Variants in PTPRT observed in about 807,000 individuals in gnomAD.
PTPRT encodes protein tyrosine phosphatase receptor type T, also known as receptor-type tyrosine-protein phosphatase T.
PTPRT carries 56 observed loss-of-function variants against 176.8 expected under a neutral mutation model. That is an observed-to-expected ratio of 0.32 (90% CI 0.26 to 0.40). The LOEUF is 0.40. PTPRT is among the 10% of genes least tolerant of loss of function. The pLI, the probability that PTPRT is intolerant of heterozygous loss-of-function variation, is 1.00. For missense variants in PTPRT, 1,540 were observed against 1,908.2 expected, an observed-to-expected ratio of 0.81 and a Z score of 3.60; for synonymous variants, 783 against 739.0, an observed-to-expected ratio of 1.06 and a Z score of -0.96.
At chr20:42,505,991 G>A (rs149169913) in intron 7 of PTPRT, among the ~76,000 whole-genome samples, 15 of 152,180 alleles carry the variant, frequency 9.9e-5, no homozygotes, top group African/African-American at 2.9e-4. Flanking sequence ...TTCCTCCCGC[G>A]TTGTATGACT....
rs1389142091 is a variant in PTPRT at position 42,573,909 on chromosome 20, C to T, written c.1154-101347G>A. Among the ~76,000 whole-genome samples, 6 of 151,978 alleles carry T rather than the reference C, an allele frequency of 3.9e-5. 1 individual carries two copies. Among genetic ancestry groups the T allele is most frequent in the Admixed American group, 1.3e-4 (2 of 15,258 alleles). On this transcript the variant is annotated intron_variant, in intron 7 of 30. Coordinates refer to ENST00000373187, the MANE Select transcript of PTPRT (RefSeq NM_007050.6). ...GATTACAGGCCCGTGCCACCACGCCCGGTTAATTTTTTGTATTTTTAGTAG... is the reference window on the plus strand; with the variant it reads ...GATTACAGGCCCGTGCCACCACGCCTGGTTAATTTTTTGTATTTTTAGTAG...
chr20:42,294,823 G>A (rs1440257091), intron 12 of PTPRT, among the ~76,000 whole-genome samples: 2 of 152,006 alleles, frequency 1.3e-5, no homozygotes, highest in African/African-American at 2.4e-5. Flanking sequence ...TAACTCAGGA[G>A]AGAAATTTTT....
intron 13 of PTPRT, among the ~76,000 whole-genome samples, chr20:42,276,028 G>A (rs528890511): frequency 6.6e-6 from 1 of 152,212 alleles, no homozygotes; most frequent in South Asian, 2.1e-4. Context: ...TATCTCACTA[G>A]AGTCTTTCCT....
chr20:42,735,147 A>G (rs776152680), intron 6 of PTPRT, among the ~76,000 whole-genome samples: 11 of 152,192 alleles, frequency 7.2e-5, no homozygotes, highest in Non-Finnish European at 1.5e-4. Context: ...GATTCATTGA[A>G]GCTCAGATAA....
chr20:42,672,638 G>A (rs1488784467), intron 7 of PTPRT, among the ~76,000 whole-genome samples: 1 of 152,140 alleles, frequency 6.6e-6, no homozygotes, highest in Non-Finnish European at 1.5e-5. Context: ...AACTGGCTGG[G>A]AGTCTTGCTC....
intron 8 of PTPRT, among the ~76,000 whole-genome samples, chr20:42,455,507 A>C (rs1360583436): frequency 6.6e-6 from 1 of 152,178 alleles, no homozygotes; most frequent in East Asian, 1.9e-4. Context: ...TTTTTCTTAC[A>C]TAAGAAACAC....
chr20:42,042,714 C>A, the PTPRT span, among the ~76,000 whole-genome samples: 2 of 152,210 alleles, frequency 1.3e-5, no homozygotes, highest in African/African-American at 4.8e-5. Flanking sequence ...GTCACTGTTT[C>A]ACTCACTCAC....
At chr20:42,751,702 C>A (rs997269595) in intron 6 of PTPRT, among the ~76,000 whole-genome samples, 1 of 152,106 alleles carries the variant, frequency 6.6e-6, no homozygotes, top group Non-Finnish European at 1.5e-5. Context: ...ATGCTGCCCT[C>A]GAACATCAGG....
intron 7 of PTPRT, among the ~76,000 whole-genome samples, chr20:42,650,681 C>T (rs543852883): frequency 6.6e-6 from 1 of 152,200 alleles, no homozygotes; most frequent in East Asian, 1.9e-4. Flanking sequence ...TCTGCAGGGA[C>T]AATAAAGCAG....
intron 7 of PTPRT, among the ~76,000 whole-genome samples, chr20:42,521,376 T>G (rs1011833815): frequency 6.6e-6 from 1 of 152,210 alleles, no homozygotes; most frequent in Admixed American, 6.5e-5. Context: ...TAGAATGTCA[T>G]GCTTTCTATG....
intron 5 of PTPRT, 145 bp from the exon 6 acceptor site, chr20:42,756,781 G>T: frequency 1.4e-6 from 1 of 696,198 alleles, no homozygotes; most frequent in Non-Finnish European, 2.2e-6. Context: ...CAGGCACAGT[G>T]GCTCATGCCT....
chr20:42,742,444 G>A (rs1351508092), intron 6 of PTPRT, among the ~76,000 whole-genome samples: 1 of 152,228 alleles, frequency 6.6e-6, no homozygotes, highest in African/African-American at 2.4e-5. Context: ...ACTGGATGAG[G>A]AGAGGTGGTG....
At chr20:43,022,908 A>T (rs1985755046) in intron 1 of PTPRT, among the ~76,000 whole-genome samples, 1 of 152,130 alleles carries the variant, frequency 6.6e-6, no homozygotes, top group South Asian at 2.1e-4. Flanking sequence ...ATTTAAAGGG[A>T]TATTTAAAGG....
At chr20:42,802,187 A>ATGGGAC in intron 2 of PTPRT, among the ~76,000 whole-genome samples, 1 of 152,332 alleles carries the variant, frequency 6.6e-6, no homozygotes, top group Non-Finnish European at 1.5e-5. Flanking sequence ...AGTGATGCTG[A>ATGGGAC]TGGGACTGAT....
At chr20:43,158,789 G>T (rs1230740767) in intron 1 of PTPRT, among the ~76,000 whole-genome samples, 1 of 152,296 alleles carries the variant, frequency 6.6e-6, no homozygotes, top group Non-Finnish European at 1.5e-5. Context: ...TCTAGAAGAA[G>T]AATCTTGGCT....
intron 11 of PTPRT, among the ~76,000 whole-genome samples, chr20:42,332,642 A>G (rs898523601): frequency 1.4e-5 from 2 of 147,310 alleles, no homozygotes; most frequent in African/African-American, 4.9e-5. Context: ...TGTGGAAAAC[A>G]TTTTTTTTTT....
intron 1 of PTPRT, among the ~76,000 whole-genome samples, chr20:42,994,998 C>T (rs1167177703): frequency 6.6e-6 from 1 of 152,184 alleles, no homozygotes; most frequent in Non-Finnish European, 1.5e-5. Flanking sequence ...CCAAGAAGAA[C>T]AGCAGAATTT....
chr20:42,451,580 G>T (rs2070828675), intron 8 of PTPRT, among the ~76,000 whole-genome samples: 1 of 152,144 alleles, frequency 6.6e-6, no homozygotes, highest in African/African-American at 2.4e-5. Flanking sequence ...AATGAATGGA[G>T]AAACTGGGAG....
chr20:42,431,354 G>A (rs1477804466), intron 9 of PTPRT, among the ~76,000 whole-genome samples: 3 of 151,950 alleles, frequency 2.0e-5, no homozygotes, highest in Non-Finnish European at 4.4e-5. Flanking sequence ...TTATCATAGT[G>A]TTATCAAATA....
Sources: gnomAD v4.1 joint callset for allele counts (sites outside exome capture counted in the v4.1 genomes callset) on GRCh38, gnomAD v4.1.1 for gene constraint, MANE v1.5 for transcripts, NCBI Gene and HGNC (gene_info 2026-07-23, HGNC 2026-07-21) for gene names.